The following STAB1 variants were observed in gnomAD, a reference collection of about 807,000 sequenced individuals.
STAB1 encodes the protein stabilin 1, also known as stabilin-1.
A neutral mutation model predicts 332.4 loss-of-function variants in STAB1; 250 were observed. The ratio of observed to expected loss-of-function variants is 0.75; its 90% CI spans 0.68 to 0.84. The LOEUF (loss-of-function observed/expected upper bound fraction) is 0.84, where lower values mean the gene tolerates loss of function less well. Among genes scored for constraint, STAB1 ranks in the 40% least tolerant of loss-of-function variants. The pLI, the probability that STAB1 is intolerant of heterozygous loss-of-function variation, is 0.00. For synonymous variants in STAB1, 1,475 were observed against 1,390.4 expected (o/e 1.06, Z -1.35); for missense variants, 3,249 against 3,489.7 (o/e 0.93, Z 1.74).
rs2079036019 is a variant in STAB1 at position 52,520,450 on chromosome 3, GC to G, written c.5553del (p.Phe1852LeufsTer32). The stretch of plus-strand genomic sequence containing the variant: ...ATGCTCGCATTGTGCAGCGGCACTT[GC>G]CCTTTGAGGGTGGCCTGGCCTATGG... ...DDARIVQRHL[P>X]FEGGLAYGID... On this transcript the variant is annotated frameshift_variant, in exon 53 of 69. Coordinates refer to ENST00000321725, the MANE Select transcript of STAB1 (RefSeq NM_015136.3). LOFTEE classifies it high-confidence loss of function. The G allele has an allele frequency of 6.2e-7, 1 of 1,612,650 alleles. No homozygotes were observed. Among genetic ancestry groups the G allele is most frequent in the Non-Finnish European group, 8.5e-7 (1 of 1,179,876 alleles).
At position 52,516,252 on chromosome 3, in the gene STAB1, A is replaced by C; in HGVS notation, c.4144+14A>C. On this transcript the variant is annotated intron_variant, in intron 38 of 68. Coordinates refer to ENST00000321725, the MANE Select transcript of STAB1 (RefSeq NM_015136.3). ...ACTGCACCGGAGGTGAGGACTGGGG[A>C]GGGGCGGGGGTGGGCCTCCTGGCAG... The C allele has an allele frequency of 1.3e-6, 1 of 747,618 alleles. No homozygotes were observed. Among genetic ancestry groups the C allele is most frequent in the Non-Finnish European group, 2.2e-6 (1 of 452,634 alleles). The allele number at this position is 747,618 out of a possible 1,614,324, so 46.3% of individuals were successfully genotyped here. A position where few individuals can be genotyped will look rare whatever the true frequency, so the allele number is the denominator to read the frequency against.
intron 41 of STAB1, 44 bp downstream of exon 41, chr3:52,516,812 G>T: frequency 6.3e-7 from 1 of 1,595,442 alleles, no homozygotes; most frequent in Non-Finnish European, 8.5e-7. Context: ...AAATTTTGGG[G>T]TGGCTGTCCC....
At chr3:52,498,514 G>A (rs557645976) in intron 1 of STAB1, among the ~76,000 whole-genome samples, 2 of 152,376 alleles carry the variant, frequency 1.3e-5, no homozygotes, top group South Asian at 2.1e-4. Context: ...TTTCACACAC[G>A]TTTACAAACA....
At chr3:52,510,280 G>C in intron 24 of STAB1, 45 bp downstream of exon 24, 1 of 1,613,940 alleles carries the variant, frequency 6.2e-7, no homozygotes, top group Non-Finnish European at 8.5e-7. Flanking sequence ...CCAGAGGCAG[G>C]AGGTGGGATG....
rs779086340 is a variant in STAB1, at chr3:52,504,722, C to T, written c.1240-17C>T. Reference sequence around the variant, plus strand: ...CTGGCCCCCCGGCTCACTTTGCTCCCCGCCTTGCGTCTGCAGGCATCCCTT... The same window carrying T: ...CTGGCCCCCCGGCTCACTTTGCTCCTCGCCTTGCGTCTGCAGGCATCCCTT... On this transcript the variant is annotated splice_polypyrimidine_tract_variant and intron_variant, in intron 11 of 68. Coordinates refer to ENST00000321725, the MANE Select transcript of STAB1 (RefSeq NM_015136.3). 6.8e-6 allele frequency: 11 copies of T among 1,613,612 alleles called. No homozygotes were observed. In the South Asian group the frequency reaches 1.2e-4, roughly 18 times the overall value.
At position 52,504,494 on chromosome 3, in the gene STAB1, G is replaced by A. The variant is rs1708697998; in HGVS notation, c.1184G>A (p.Gly395Asp). The A allele has an allele frequency of 6.2e-7, 1 of 1,614,034 alleles. No individual in the cohort carries two copies. Among genetic ancestry groups the A allele is most frequent in the Non-Finnish European group, 8.5e-7 (1 of 1,179,996 alleles). Residue 395 changes from glycine to aspartate, a missense_variant, in exon 11 of 69, where the codon GGC becomes GAC. Gly to Asp is a moderately conservative substitution (Grantham distance 94). Transcript: ENST00000321725. Reference sequence around the variant, plus strand: ...TGCCGGGAAATCCTTACCACAGCGGGCCCTTTCACCGTGCTGGTGCCATCC... The same window carrying A: ...TGCCGGGAAATCCTTACCACAGCGGACCCTTTCACCGTGCTGGTGCCATCC... ...QGCREILTTAGPFTVLVPSVS... is the reference protein window; with the variant it reads ...QGCREILTTADPFTVLVPSVS...
chr3:52,497,011 T>C (rs916193190), intron 1 of STAB1, among the ~76,000 whole-genome samples: 11 of 152,194 alleles, frequency 7.2e-5, no homozygotes, highest in African/African-American at 2.7e-4. Flanking sequence ...TTCAGACTTT[T>C]TTTCTTTTGA....
intron 2 of STAB1, 163 bp downstream of exon 2, chr3:52,501,465 G>A: frequency 1.7e-6 from 2 of 1,206,544 alleles, no homozygotes; most frequent in Non-Finnish European, 2.3e-6. Flanking sequence ...AGGGGTAAAG[G>A]CGAGGGGCAG....
Position 52,513,913 on chromosome 3 carries a change from G to C in STAB1, c.3379G>C (p.Gly1127Arg), listed in dbSNP as rs2286786. 5.7e-4 allele frequency: 908 copies of C among 1,604,922 alleles called. 6 individuals carry two copies. The East Asian group carries it at 0.016, about 28-fold the overall frequency. ...VLLPPRGDVP[G>R]GQGLLQQLDL... The stretch of plus-strand genomic sequence containing the variant: ...ACTGCCCCCCCGAGGGGATGTGCCC[G>C]GTGGGCAGGGGTTGCTGCAGCAGCT... The change falls in exon 32 of 69, where the codon GGT (glycine) becomes CGT (arginine). Residue 1127 changes from glycine to arginine, a missense_variant. Gly to Arg is a moderately radical substitution (Grantham distance 125). Coordinates refer to ENST00000321725, the MANE Select transcript of STAB1 (RefSeq NM_015136.3).
At chr3:52,511,376 G>T (rs572158293) in intron 25 of STAB1, among the ~76,000 whole-genome samples, 1 of 152,308 alleles carries the variant, frequency 6.6e-6, no homozygotes, top group East Asian at 1.9e-4. Context: ...GCCCTGGCAG[G>T]GCCCCAGGCT....
rs1312937298 is a variant in STAB1 at position 52,503,489 on chromosome 3, T to C, written c.840T>C (p.Leu280=). 3.7e-6 allele frequency: 6 copies of C among 1,613,608 alleles called. No individual in the cohort carries two copies. The highest frequency in any genetic ancestry group is 1.3e-5 in the African/African-American group (1 of 74,930). The change falls in exon 8 of 69, where the codon CTT becomes CTC. Residue 280 remains leucine (L), a synonymous_variant. Coordinates refer to ENST00000321725, the MANE Select transcript of STAB1 (RefSeq NM_015136.3). ...CCAAGGACCCATGCACTGACAACCT[T>C]GGTGGCTGCCCCAGCAACTCTACTT... ...CLPKDPCTDN[L]GGCPSNSTLC...
intron 20 of STAB1, 43 bp from the exon 21 acceptor site, chr3:52,508,230 C>T (rs1234558924): frequency 4.5e-6 from 7 of 1,568,984 alleles, no homozygotes; most frequent in Non-Finnish European, 6.1e-6. Context: ...GCAGGGAGGG[C>T]ATGGACCCAG....
intron 13 of STAB1, 41 bp downstream of exon 13, chr3:52,505,184 G>A (rs764791081): frequency 6.2e-6 from 10 of 1,609,364 alleles, no homozygotes; most frequent in Non-Finnish European, 8.5e-6. Flanking sequence ...GTGCTGCTGG[G>A]TAATCTCAGA....
At chr3:52,505,446 C>A (rs922137170) in intron 14 of STAB1, 65 bp downstream of exon 14, 79 of 1,521,886 alleles carry the variant, frequency 5.2e-5, no homozygotes, top group Non-Finnish European at 7.0e-5. Flanking sequence ...GACTCATTAT[C>A]CCAGATTCTG....
chr3:52,523,505 C>T lies in STAB1; in HGVS notation c.7219C>T (p.Leu2407Phe), dbSNP rs2079152185. 6 of 1,612,770 alleles carry T rather than the reference C, an allele frequency of 3.7e-6. No homozygotes were observed. Among genetic ancestry groups the T allele is most frequent in the Non-Finnish European group, 4.2e-6 (5 of 1,179,854 alleles). ...LSANASQGKLLPAHSGLSLII... is the reference protein window; with the variant it reads ...LSANASQGKLFPAHSGLSLII... ...TGCCAACGCCAGCCAGGGGAAGTTG[C>T]TTCCGGCCCACTCAGGCCTCAGCCT... Residue 2407 changes from leucine (L) to phenylalanine (F), a missense_variant, in exon 65 of 69, where the codon CTT (leucine) becomes TTT (phenylalanine). Leu to Phe is a conservative substitution (Grantham distance 22). Coordinates refer to ENST00000321725, the MANE Select transcript of STAB1 (RefSeq NM_015136.3).
chr3:52,521,566 C>CT lies in STAB1; in HGVS notation c.6059-27dup, dbSNP rs774955720. The CT allele has an allele frequency of 1.4e-5, 22 of 1,613,232 alleles. No homozygotes were observed. The South Asian group carries it at 1.9e-4, about 14-fold the overall frequency. On this transcript the variant is annotated intron_variant, in intron 56 of 68. Transcript: ENST00000321725. ...ATTCCTTTGGCCCTTGTGGGCCAAT[C>CT]TTTATCTTCCTGCCTGTCCCTCTCC... is the stretch of plus-strand genomic sequence containing the variant.
intron 1 of STAB1, among the ~76,000 whole-genome samples, chr3:52,496,348 G>A (rs952891934): frequency 1.3e-5 from 2 of 152,316 alleles, no homozygotes; most frequent in East Asian, 1.9e-4. Context: ...GAGGCTGAGC[G>A]TGTCTGCCTC....
chr3:52,507,939 C>T lies in STAB1; in HGVS notation c.2061C>T (p.Phe687=). 2 of 1,613,416 alleles carry T rather than the reference C, an allele frequency of 1.2e-6. No individual in the cohort carries two copies. The highest frequency in any genetic ancestry group is 2.7e-5 in the African/African-American group (2 of 75,052). ...TGCATGGCCCACCCTAGGACATCTT[C>T]CCCAAGGAGTGTGTCTACATCCATG... ...CPPNSVKLDI[F]PKECVYIHDP... is the part of the protein sequence containing the mutation. Residue 687 remains phenylalanine (F), a synonymous_variant, in exon 20 of 69, where the codon TTC becomes TTT. Transcript: ENST00000321725.
Position 52,519,360 on chromosome 3 carries a change from C to T in STAB1, c.5131C>T (p.Pro1711Ser), listed in dbSNP as rs775098020. ...LHFIDRVLLP[P>S]EALHWEPDDA... ...CTTCATTGACCGTGTCCTGCTGCCC[C>T]CCGAGGCGCTGCACTGGGAGCCTGA... Residue 1711 changes from proline (P) to serine (S), a missense_variant, in exon 49 of 69, where the codon CCC (proline) becomes TCC (serine). Physicochemically the swap from Pro to Ser is moderately conservative, Grantham distance 74 (BLOSUM62 -1). Coordinates refer to ENST00000321725, the MANE Select transcript of STAB1 (RefSeq NM_015136.3). 1.4e-5 allele frequency: 22 copies of T among 1,612,996 alleles called. No individual in the cohort carries two copies. The highest frequency in any genetic ancestry group is 1.8e-5 in the Non-Finnish European group (21 of 1,180,004).
Sources: allele counts gnomAD v4.1 joint callset (sites outside exome capture counted in the v4.1 genomes callset), GRCh38; gene constraint gnomAD v4.1.1; transcripts MANE v1.5; gene names NCBI Gene and HGNC (gene_info 2026-07-23, HGNC 2026-07-21).